Variants in PKD1L1 observed in about 807,000 individuals in gnomAD.
PKD1L1 encodes polycystin 1 like 1, transient receptor potential channel interacting, also known as polycystin-1-like protein 1.
A neutral mutation model predicts 323.4 loss-of-function variants in PKD1L1; 236 were observed. The ratio of observed to expected loss-of-function variants is 0.73; its 90% CI spans 0.66 to 0.81. The LOEUF is 0.81. Among genes scored for constraint, PKD1L1 ranks in the 40% least tolerant of loss-of-function variants. The pLI, the probability that PKD1L1 is intolerant of heterozygous loss-of-function variation, is 0.00. For missense variants in PKD1L1, 3,320 were observed against 3,508.0 expected (o/e 0.95, Z 1.35); for synonymous variants, 1,344 against 1,335.0 (o/e 1.01, Z -0.15).
At chr7:47,833,044 CTG>C in intron 41 of PKD1L1, 44 bp downstream of exon 41, 1 of 1,574,188 alleles carries the variant, frequency 6.4e-7, no homozygotes, top group Non-Finnish European at 8.6e-7. Flanking sequence ...GGCTGCAGGT[CTG>C]CTGGACTGGC....
In PKD1L1 at chr7:47,839,504, T is replaced by A; in HGVS notation, c.5711A>T (p.His1904Leu). The A allele has an allele frequency of 6.2e-7, 1 of 1,612,414 alleles. No individual in the cohort carries two copies. Among genetic ancestry groups the A allele is most frequent in the Non-Finnish European group, 8.5e-7 (1 of 1,179,716 alleles). Residue 1904 changes from histidine to leucine, a missense_variant, in exon 36 of 57, where the codon CAT (histidine) becomes CTT (leucine). His to Leu is a moderately conservative substitution (Grantham distance 99). Transcript: ENST00000289672. This position sits in a 1 kb window ranked among gnomAD's most constrained non-coding sequence, Gnocchi z 4.3. ...GAGCTCCCGCTCCACGCGACCATCA[T>A]GCCTGCCGGCAGACAGCCAGCACTG... ...PAQCWLSAGR[H>L]DGRVERELTC...
In PKD1L1 at chr7:47,885,769, G is replaced by A; in HGVS notation, c.3122C>T (p.Pro1041Leu). ...APEEGSLDLE[P>L]GPQSKGSLMT... ...CAGGGATCCCTTGCTCTGTGGCCCT[G>A]GCTCTAGGTCTAGTGAACCTTCCTC... The change falls in exon 18 of 57, where the codon CCA becomes CTA. Residue 1041 changes from proline to leucine, a missense_variant. Transcript: ENST00000289672. 6.2e-7 allele frequency: 1 copy of A among 1,614,190 alleles called. No individual in the cohort carries two copies. The highest frequency in any genetic ancestry group is 1.3e-5 in the African/African-American group (1 of 75,058).
At position 47,837,107 on chromosome 7, in the gene PKD1L1, G is replaced by A. The variant is rs1460045437; in HGVS notation, c.5770-13C>T. 8 of 1,613,224 alleles carry A rather than the reference G, an allele frequency of 5.0e-6. No homozygotes were observed. Among genetic ancestry groups the A allele is most frequent in the African/African-American group, 1.3e-5 (1 of 74,916 alleles). The stretch of plus-strand genomic sequence containing the variant: ...TGCAATAGAAAAGCTGAAACGGAAA[G>A]CAGGAGAAGTGTTCCCTGACATGGA... On this transcript the variant is annotated splice_polypyrimidine_tract_variant and intron_variant, in intron 36 of 56. Transcript: ENST00000289672.
At position 47,904,756 on chromosome 7, in the gene PKD1L1, G is replaced by A. The variant is rs1562983074; in HGVS notation, c.1692-139C>T. 5.6e-6 allele frequency: 6 copies of A among 1,076,370 alleles called. No homozygotes were observed. In the Admixed American group the frequency reaches 1.7e-4, roughly 31 times the overall value. The allele number at this position is 1,076,370 out of a possible 1,614,324, so 66.7% of individuals were successfully genotyped here. ...CATTTAATTTGTAAGAACTACAAAA[G>A]TATCTAGTGATTTTCATCTTATTGA... is the stretch of plus-strand genomic sequence containing the variant. On this transcript the variant is annotated intron_variant, in intron 11 of 56. Coordinates refer to ENST00000289672, the MANE Select transcript of PKD1L1 (RefSeq NM_138295.5).
In PKD1L1 at chr7:47,894,029, T is replaced by G; in HGVS notation, c.2302A>C (p.Asn768His). 1 of 1,599,112 alleles carries G rather than the reference T, an allele frequency of 6.3e-7. No individual in the cohort carries two copies. The highest frequency in any genetic ancestry group is 8.5e-7 in the Non-Finnish European group (1 of 1,172,594). ...VQIEGSVVYS[N>H]YCVGLEVRAQ... The stretch of plus-strand genomic sequence containing the variant: ...CGCACCTCCAGGCCCACACAGTAGT[T>G]GCTGTACACCACACTGCCTTCAATC... Residue 768 changes from asparagine to histidine, a missense_variant, in exon 15 of 57, where the codon AAC (asparagine) becomes CAC (histidine). By Grantham distance (68) the Asn-to-His change is moderately conservative. Transcript: ENST00000289672.
chr7:47,854,665 C>G (rs1203507567), intron 30 of PKD1L1, among the ~76,000 whole-genome samples: 3 of 152,112 alleles, frequency 2.0e-5, no homozygotes, highest in African/African-American at 7.2e-5. Flanking sequence ...TATAATGCTT[C>G]TCACTCTAAT....
chr7:47,814,935 T>G (rs1784983380), intron 47 of PKD1L1, among the ~76,000 whole-genome samples: 1 of 152,244 alleles, frequency 6.6e-6, no homozygotes, highest in Non-Finnish European at 1.5e-5. Context: ...TTCTGGAAGC[T>G]TCCTTGCACT....
intron 3 of PKD1L1, among the ~76,000 whole-genome samples, chr7:47,938,873 G>A (rs1787928520): frequency 1.3e-5 from 2 of 152,182 alleles, no homozygotes. Context: ...TCAGAGGCAG[G>A]GCTTGTGCAT....
rs141031842 is a variant in PKD1L1 at position 47,940,218 on chromosome 7, G to T, written c.260C>A (p.Pro87Gln). The part of the protein sequence containing the change: ...GKAEDRESQS[P>Q]SSSASRQKNI... Reference sequence around the variant, plus strand: ...CTTCTGCCTGGAAGCTGATGAGGATGGGCTCTGTGATTCCCGGTCTTCTGC... The same window carrying T: ...CTTCTGCCTGGAAGCTGATGAGGATTGGCTCTGTGATTCCCGGTCTTCTGC... Residue 87 changes from proline (P) to glutamine (Q), a missense_variant, in exon 3 of 57, where the codon CCA (proline) becomes CAA (glutamine). Pro to Gln is a moderately conservative substitution (Grantham distance 76). Transcript: ENST00000289672. The T allele has an allele frequency of 2.8e-5, 46 of 1,614,046 alleles. No individual in the cohort carries two copies. The highest frequency in any genetic ancestry group is 5.0e-5 in the Admixed American group (3 of 60,012).
At position 47,904,605 on chromosome 7, in the gene PKD1L1, C is replaced by A. The variant is rs770548774; in HGVS notation, c.1704G>T (p.Met568Ile). ...TGCTCATCCTGTTGGAAGCCTTAACCATCACACGATACCTGCAGGATGGGG... is the reference window on the plus strand; with the variant it reads ...TGCTCATCCTGTTGGAAGCCTTAACAATCACACGATACCTGCAGGATGGGG... ...RLSIPQWYRV[M>I]VKASNRMSSV... The change falls in exon 12 of 57, where the codon ATG becomes ATT. Residue 568 changes from methionine (M) to isoleucine (I), a missense_variant. Coordinates refer to ENST00000289672, the MANE Select transcript of PKD1L1 (RefSeq NM_138295.5). 4.3e-6 allele frequency: 7 copies of A among 1,612,774 alleles called. No individual in the cohort carries two copies. The South Asian group carries it at 7.7e-5, about 18-fold the overall frequency.
chr7:47,793,495 C>A (rs1562932125), intron 55 of PKD1L1, among the ~76,000 whole-genome samples: 1 of 152,180 alleles, frequency 6.6e-6, no homozygotes, highest in Non-Finnish European at 1.5e-5. Flanking sequence ...CTTGCCACTG[C>A]CACGTAAGAT....
chr7:47,928,371 C>G lies in PKD1L1; in HGVS notation c.1060+833G>C, dbSNP rs577617418. On this transcript the variant is annotated intron_variant, in intron 7 of 56. Coordinates refer to ENST00000289672, the MANE Select transcript of PKD1L1 (RefSeq NM_138295.5). ...ATCACTTGAGGTCAGGAGTTTGGGA[C>G]CAGCTAGGCCAACATAGTGAAACCC... Among the ~76,000 whole-genome samples the G allele has an allele frequency of 1.4e-3, 217 of 151,756 alleles. 1 individual carries two copies. Among genetic ancestry groups the G allele is most frequent in the Middle Eastern group, 3.4e-3 (1 of 294 alleles).
chr7:47,845,292 G>A (rs560129469), intron 32 of PKD1L1, among the ~76,000 whole-genome samples: 1 of 152,300 alleles, frequency 6.6e-6, no homozygotes, highest in African/African-American at 2.4e-5. Flanking sequence ...CTGCGTGTTG[G>A]GGCACATGGC....
At chr7:47,939,612 A>G (rs2708911) in intron 3 of PKD1L1, among the ~76,000 whole-genome samples, 78,912 of 152,050 alleles carry the variant, frequency 0.52, 20,534 homozygotes, top group Admixed American at 0.53. Context: ...ACTCTGATAA[A>G]CAGATGCAAG....
chr7:47,819,654 A>AC, intron 46 of PKD1L1: 1 of 1,130,916 alleles, frequency 8.8e-7, no homozygotes, highest in Admixed American at 2.6e-5. Flanking sequence ...AAAAAAAAAA[A>AC]CAAAACAACT....
intron 33 of PKD1L1, among the ~76,000 whole-genome samples, chr7:47,844,141 C>T (rs750395803): frequency 1.4e-4 from 21 of 152,312 alleles, no homozygotes; most frequent in South Asian, 4.1e-4. Flanking sequence ...GTATCAATGC[C>T]GCAGACACCA....
chr7:47,904,531 G>A lies in PKD1L1; in HGVS notation c.1778C>T (p.Ala593Val). ...TGAGGAGGGGGACGTGAGCCGATTG[G>A]CCACAATTTTCTTCTGCACCCTGAT... ...HVIRVQKKIVANRLTSPSSAL... is the reference protein window; with the variant it reads ...HVIRVQKKIVVNRLTSPSSAL... The change falls in exon 12 of 57, where the codon GCC becomes GTC. Residue 593 changes from alanine to valine, a missense_variant. By Grantham distance (64) the Ala-to-Val change is moderately conservative. Transcript: ENST00000289672. The A allele has an allele frequency of 1.2e-6, 2 of 1,614,046 alleles. No individual in the cohort carries two copies. The highest frequency in any genetic ancestry group is 1.7e-6 in the Non-Finnish European group (2 of 1,180,030).
intron 31 of PKD1L1, among the ~76,000 whole-genome samples, chr7:47,848,434 T>C (rs537281938): frequency 3.3e-5 from 5 of 152,212 alleles, no homozygotes; most frequent in Admixed American, 3.3e-4. Context: ...CAAATGAGTG[T>C]AAGAAATAAG....
intron 56 of PKD1L1, among the ~76,000 whole-genome samples, chr7:47,778,138 C>T (rs1786611319): frequency 6.6e-6 from 1 of 152,178 alleles, no homozygotes; most frequent in Admixed American, 6.5e-5. Flanking sequence ...AGGAGAATCA[C>T]AAGGAGCCAA....
Sources: allele counts gnomAD v4.1 joint callset (sites outside exome capture counted in the v4.1 genomes callset), GRCh38; gene constraint gnomAD v4.1.1; non-coding constraint Gnocchi (gnomAD v3.1); transcripts MANE v1.5; gene names NCBI Gene and HGNC (gene_info 2026-07-23, HGNC 2026-07-21).